PRKAG2: variants seen among roughly 807,000 people sequenced by gnomAD.
PRKAG2 encodes protein kinase AMP-activated non-catalytic subunit gamma 2.
A neutral mutation model predicts 69.6 loss-of-function variants in PRKAG2; 26 were observed. The ratio of observed to expected loss-of-function variants is 0.37; its 90% CI spans 0.27 to 0.52. The LOEUF is 0.52. PRKAG2 is among the 20% of genes least tolerant of loss of function. The probability of loss-of-function intolerance (pLI) is 0.90; values close to 1 mark genes in which losing one functional copy is unlikely to be tolerated. For synonymous variants in PRKAG2, 293 were observed against 285.0 expected, an observed-to-expected ratio of 1.03 and a Z score of -0.28; for missense variants, 557 against 740.0, an observed-to-expected ratio of 0.75 and a Z score of 2.87.
chr7:151,845,389 C>G (rs1032560905), intron 1 of PRKAG2, among the ~76,000 whole-genome samples: 2 of 152,176 alleles, frequency 1.3e-5, no homozygotes, highest in Non-Finnish European at 2.9e-5. Flanking sequence ...CCAGCAGCGT[C>G]CTTGTCAACC....
intron 5 of PRKAG2, chr7:151,631,676 T>A (rs987891642): frequency 6.6e-6 from 3 of 457,518 alleles, no homozygotes; most frequent in Non-Finnish European, 8.8e-6. Context: ...GGCACCAGTC[T>A]ATGATTAAAG....
chr7:151,602,946 C>T (rs1816475092), intron 5 of PRKAG2, among the ~76,000 whole-genome samples: 1 of 152,238 alleles, frequency 6.6e-6, no homozygotes, highest in Non-Finnish European at 1.5e-5. Flanking sequence ...CCCCTCCAGC[C>T]ATGCAGAACT....
intron 6 of PRKAG2, among the ~76,000 whole-genome samples, chr7:151,584,475 GA>G (rs920439819): frequency 8.1e-5 from 12 of 148,634 alleles, no homozygotes; most frequent in African/African-American, 2.2e-4. Context: ...GAAGGGTTAG[GA>G]AAAAAAAAAT....
intron 1 of PRKAG2, among the ~76,000 whole-genome samples, chr7:151,845,413 G>GA (rs1369757962): frequency 6.6e-6 from 1 of 152,134 alleles, no homozygotes; most frequent in Non-Finnish European, 1.5e-5. Flanking sequence ...GAACTTGCTA[G>GA]AAAAGCACAT....
intron 3 of PRKAG2, among the ~76,000 whole-genome samples, chr7:151,726,171 G>A (rs1797911330): frequency 6.6e-6 from 1 of 152,104 alleles, no homozygotes; most frequent in South Asian, 2.1e-4. Flanking sequence ...CAGGACATGG[G>A]GCGCTGGGGA....
At chr7:151,606,464 A>C (rs1280437397) in intron 5 of PRKAG2, among the ~76,000 whole-genome samples, 2 of 152,200 alleles carry the variant, frequency 1.3e-5, no homozygotes, top group Non-Finnish European at 1.5e-5. Context: ...ATTTGGAGTT[A>C]TACAACAACA....
chr7:151,583,181 C>CA lies in PRKAG2; in HGVS notation c.865-6730dup, dbSNP rs1285787381. Among the ~76,000 whole-genome samples, 28 of 152,274 alleles carry CA rather than the reference C, an allele frequency of 1.8e-4. No homozygotes were observed. The highest frequency in any genetic ancestry group is 6.5e-4 in the African/African-American group (27 of 41,566). ...GATCACAGGCATATGCCACCATGCTCAGCTAATTTTTAAATCTTTTTGTAG... is the reference window on the plus strand; with the variant it reads ...GATCACAGGCATATGCCACCATGCTCAAGCTAATTTTTAAATCTTTTTGTAG... On this transcript the variant is annotated intron_variant, in intron 6 of 15. Coordinates refer to ENST00000287878, the MANE Select transcript of PRKAG2 (RefSeq NM_016203.4). This position sits in a 1 kb window ranked among gnomAD's most constrained non-coding sequence, Gnocchi z 4.1.
intron 1 of PRKAG2, among the ~76,000 whole-genome samples, chr7:151,798,186 TAG>T (rs1273641454): frequency 6.6e-6 from 1 of 151,890 alleles, no homozygotes; most frequent in African/African-American, 2.4e-5. Context: ...GTATATTTAG[TAG>T]AGATGGGGTT....
intron 5 of PRKAG2, among the ~76,000 whole-genome samples, chr7:151,628,573 A>T (rs2151307596): frequency 6.6e-6 from 1 of 152,188 alleles, no homozygotes; most frequent in South Asian, 2.1e-4. Flanking sequence ...TTAGCCAGGC[A>T]TGGTGGCATG....
intron 3 of PRKAG2, among the ~76,000 whole-genome samples, chr7:151,722,407 G>A (rs1392790185): frequency 6.6e-6 from 1 of 152,094 alleles, no homozygotes; most frequent in East Asian, 1.9e-4. Flanking sequence ...CCATCTTTCA[G>A]CCAAGGATGT....
rs1175156203 is a variant in PRKAG2 at position 151,807,255 on chromosome 7, G to A, written c.115-20714C>T. ...ACCTCAATAAAGCTGACCAAAAAGT[G>A]GCCAGTCAGCCACCAGCAGACCCAT... On this transcript the variant is annotated intron_variant, in intron 1 of 15. Coordinates refer to ENST00000287878, the MANE Select transcript of PRKAG2 (RefSeq NM_016203.4). The surrounding 1 kb of genome is among the most constrained non-coding windows in gnomAD (Gnocchi z 4.4). 5.3e-6 allele frequency: 2 copies of A among 375,396 alleles called. No individual in the cohort carries two copies. Among genetic ancestry groups the A allele is most frequent in the Non-Finnish European group, 1.1e-5 (2 of 188,022 alleles). The allele number at this position is 375,396 out of a possible 1,614,324, so 23.3% of individuals were successfully genotyped here.
At chr7:151,677,092 C>T (rs1343131089) in intron 3 of PRKAG2, among the ~76,000 whole-genome samples, 1 of 152,198 alleles carries the variant, frequency 6.6e-6, no homozygotes, top group Non-Finnish European at 1.5e-5. Context: ...CAGTCGGTGG[C>T]ACTTTGTTAT....
chr7:151,700,830 G>A (rs1349453465), intron 3 of PRKAG2, among the ~76,000 whole-genome samples: 1 of 152,116 alleles, frequency 6.6e-6, no homozygotes, highest in Non-Finnish European at 1.5e-5. Context: ...CTGGCCTTGT[G>A]CCGAACCCCA....
intron 5 of PRKAG2, among the ~76,000 whole-genome samples, chr7:151,624,469 A>G (rs1291689472): frequency 6.6e-6 from 1 of 152,048 alleles, no homozygotes; most frequent in Non-Finnish European, 1.5e-5. Context: ...TATTAAACAG[A>G]TTAAAAAGTG....
At chr7:151,865,474 G>A (rs1442429543) in intron 1 of PRKAG2, among the ~76,000 whole-genome samples, 1 of 152,222 alleles carries the variant, frequency 6.6e-6, no homozygotes, top group African/African-American at 2.4e-5. Context: ...CTGACAGGGT[G>A]ACGGCATGCC....
At chr7:151,678,939 G>C (rs1391107335) in intron 3 of PRKAG2, among the ~76,000 whole-genome samples, 1 of 152,090 alleles carries the variant, frequency 6.6e-6, no homozygotes, top group East Asian at 1.9e-4. Context: ...ATTCCAGCCT[G>C]GGTGACAGAG....
rs114410669 is a variant in PRKAG2 at position 151,755,411 on chromosome 7, G to A, written c.466+25741C>T. 5.8e-3 allele frequency among the ~76,000 whole-genome samples: 887 copies of A among 152,198 alleles called. 14 individuals are homozygous for A. Among genetic ancestry groups the A allele is most frequent in the African/African-American group, 0.02 (843 of 41,500 alleles). ...CCTGAGCAGAGGAAGACAGGGGGTG[G>A]GTGTGCACAAGACACAGTCAGAGCC... On this transcript the variant is annotated intron_variant, in intron 3 of 15. Coordinates refer to ENST00000287878, the MANE Select transcript of PRKAG2 (RefSeq NM_016203.4).
intron 3 of PRKAG2, among the ~76,000 whole-genome samples, chr7:151,773,720 G>A (rs1045222849): frequency 1.3e-5 from 2 of 152,148 alleles, no homozygotes; most frequent in Non-Finnish European, 2.9e-5. Context: ...TGAACACACA[G>A]ACATGCACTT....
intron 3 of PRKAG2, among the ~76,000 whole-genome samples, chr7:151,705,380 T>A (rs142812553): frequency 5.3e-5 from 8 of 152,272 alleles, no homozygotes; most frequent in African/African-American, 1.7e-4. Flanking sequence ...TGTACATGGA[T>A]TGGAAATTAA....
Sources: allele counts gnomAD v4.1 joint callset (sites outside exome capture counted in the v4.1 genomes callset), GRCh38; gene constraint gnomAD v4.1.1; non-coding constraint Gnocchi (gnomAD v3.1); transcripts MANE v1.5; gene names NCBI Gene and HGNC (gene_info 2026-07-23, HGNC 2026-07-21).